CFAP251: variants seen among roughly 807,000 people sequenced by gnomAD.
CFAP251 encodes the protein cilia and flagella associated protein 251, also known as cilia- and flagella-associated protein 251.
CFAP251 carries 93 observed loss-of-function variants against 126.7 expected under a neutral mutation model. The observed-to-expected ratio is 0.73, with a 90% CI of 0.62 to 0.87. The LOEUF (loss-of-function observed/expected upper bound fraction) is 0.87, where lower values mean the gene tolerates loss of function less well. Ranked by LOEUF, CFAP251 falls within the 40% of genes least tolerant of loss-of-function variation. CFAP251 has a pLI of 0.00. For missense variants in CFAP251, 1,287 were observed against 1,389.2 expected (o/e 0.93, Z 1.17); for synonymous variants, 503 against 506.9 (o/e 0.99, Z 0.10).
intron 17 of CFAP251, among the ~76,000 whole-genome samples, chr12:121,970,840 C>G (rs1032449898): frequency 6.6e-6 from 1 of 152,236 alleles, no homozygotes. Context: ...CCTTACTCAG[C>G]AGGAAGATGG....
chr12:121,974,140 G>A lies in CFAP251; in HGVS notation c.2772-1104G>A, dbSNP rs2135798350. On this transcript the variant is annotated intron_variant, in intron 17 of 21. Coordinates refer to ENST00000288912, the MANE Select transcript of CFAP251 (RefSeq NM_144668.6). The surrounding 1 kb of genome is among the most constrained non-coding windows in gnomAD (Gnocchi z 4.6). ...ATGCTGTTCCCATGGTAGTGAATAA[G>A]TCTCATGAGATCTGATGGTTTGATA... 6.6e-6 allele frequency among the ~76,000 whole-genome samples: 1 copy of A among 152,258 alleles called. No individual in the cohort carries two copies. The highest frequency in any genetic ancestry group is 2.4e-5 in the African/African-American group (1 of 41,538).
intron 5 of CFAP251, among the ~76,000 whole-genome samples, chr12:121,939,401 T>C (rs1344552263): frequency 6.6e-6 from 1 of 151,964 alleles, no homozygotes; most frequent in East Asian, 1.9e-4. Flanking sequence ...AAGGGAAGGG[T>C]ATTATCTCAT....
At position 121,958,331 on chromosome 12, in the gene CFAP251, A is replaced by G. The variant is rs1881800994; in HGVS notation, c.1790A>G (p.Lys597Arg). The part of the protein sequence containing the change: ...AVYHLTTDGT[K>R]LEKLFVEPKD... ...TACCACTTAACAACAGATGGGACCAAACTTGAGAAGTTATTTGTAGAGCCC... is the reference window on the plus strand; with the variant it reads ...TACCACTTAACAACAGATGGGACCAGACTTGAGAAGTTATTTGTAGAGCCC... Residue 597 changes from lysine (K) to arginine (R), a missense_variant, in exon 12 of 22, where the codon AAA (lysine) becomes AGA (arginine). Physicochemically the swap from Lys to Arg is conservative, Grantham distance 26. Coordinates refer to ENST00000288912, the MANE Select transcript of CFAP251 (RefSeq NM_144668.6). The G allele has an allele frequency of 2.5e-6, 4 of 1,614,212 alleles. No individual in the cohort carries two copies. The highest frequency in any genetic ancestry group is 3.4e-6 in the Non-Finnish European group (4 of 1,180,038).
chr12:121,962,041 G>A lies in CFAP251; in HGVS notation c.2371G>A (p.Asp791Asn), dbSNP rs202115965. The change falls in exon 15 of 22, where the codon GAC (aspartate) becomes AAC (asparagine). Residue 791 changes from aspartate to asparagine, a missense_variant. Transcript: ENST00000288912. ...HLEVLDIHHTDQGCYPTCMVW... is the reference protein window; with the variant it reads ...HLEVLDIHHTNQGCYPTCMVW... ...GGAAGTCCTGGACATTCACCACACC[G>A]ACCAGGGCTGCTATCCCACCTGCAT... 139 of 1,613,912 alleles carry A rather than the reference G, an allele frequency of 8.6e-5. No homozygotes were observed. The African/African-American group carries it at 9.6e-4, about 11-fold the overall frequency.
At chr12:121,927,319 G>A (rs1880458848) in intron 3 of CFAP251, among the ~76,000 whole-genome samples, 1 of 150,988 alleles carries the variant, frequency 6.6e-6, no homozygotes, top group Admixed American at 6.6e-5. Context: ...CTTTTTTTGA[G>A]ATGGAGTCTC....
At chr12:121,982,107 C>T (rs1249043512) in intron 19 of CFAP251, among the ~76,000 whole-genome samples, 2 of 152,122 alleles carry the variant, frequency 1.3e-5, no homozygotes, top group Non-Finnish European at 2.9e-5. Flanking sequence ...AATACCCTTT[C>T]CAAAATCTAA....
chr12:121,998,942 T>A (rs1456647156), intron 19 of CFAP251: 1 of 127,816 alleles, frequency 7.8e-6, no homozygotes, highest in African/African-American at 3.1e-5. Context: ...AGAGTGGACA[T>A]CCTTGTCTTT....
At chr12:121,961,873 G>C (rs1252671618) in intron 14 of CFAP251, 105 bp from the exon 15 acceptor site, 1 of 1,213,298 alleles carries the variant, frequency 8.2e-7, no homozygotes, top group Non-Finnish European at 1.2e-6. Context: ...GAACAGCACT[G>C]TTGGCTGATA....
At chr12:121,996,435 A>G (rs1355617744) in intron 19 of CFAP251, among the ~76,000 whole-genome samples, 1 of 152,202 alleles carries the variant, frequency 6.6e-6, no homozygotes, top group Admixed American at 6.5e-5. Flanking sequence ...CGGTACAAAA[A>G]TACTGCACAG....
chr12:121,946,734 T>G (rs1462318720), intron 7 of CFAP251, among the ~76,000 whole-genome samples: 2 of 151,654 alleles, frequency 1.3e-5, no homozygotes, highest in Non-Finnish European at 2.9e-5. Context: ...GGTGGCACCA[T>G]CACACCTGGC....
intron 1 of CFAP251, among the ~76,000 whole-genome samples, chr12:121,919,952 C>T (rs1037501333): frequency 3.3e-5 from 5 of 152,034 alleles, no homozygotes; most frequent in East Asian, 1.9e-4. Context: ...GAAGCCAAGG[C>T]GGGCGGATCA....
At chr12:121,969,074 T>C (rs1056342173) in intron 17 of CFAP251, 13 of 985,332 alleles carry the variant, frequency 1.3e-5, no homozygotes, top group Non-Finnish European at 1.3e-5. Flanking sequence ...CTCTCGGTAG[T>C]GTGACGTTGA....
intron 3 of CFAP251, among the ~76,000 whole-genome samples, chr12:121,928,666 ATACG>A (rs1459499650): frequency 3.3e-4 from 13 of 39,894 alleles, no homozygotes; most frequent in Non-Finnish European, 5.9e-4. Flanking sequence ...ACGTATATAT[ATACG>A]TATATATATA....
At chr12:121,978,174 C>CCT (rs1882517217) in intron 19 of CFAP251, among the ~76,000 whole-genome samples, 1 of 150,432 alleles carries the variant, frequency 6.6e-6, no homozygotes. Context: ...GGGTGGATCA[C>CCT]GAGGTCAGGA....
chr12:121,919,004 C>T (rs1304227733), intron 1 of CFAP251, among the ~76,000 whole-genome samples: 1 of 152,272 alleles, frequency 6.6e-6, no homozygotes, highest in East Asian at 1.9e-4. Flanking sequence ...TGATTCAGAG[C>T]AGTGATTTTT....
chr12:121,950,101 T>C (rs1366624596), intron 8 of CFAP251: 1 of 152,110 alleles, frequency 6.6e-6, no homozygotes, highest in Non-Finnish European at 1.5e-5. Flanking sequence ...AACTGATGAG[T>C]AGGTAAACAA....
At chr12:121,964,719 G>C (rs941909539) in intron 15 of CFAP251, among the ~76,000 whole-genome samples, 2 of 151,806 alleles carry the variant, frequency 1.3e-5, no homozygotes, top group Non-Finnish European at 2.9e-5. Flanking sequence ...GGCCAACATG[G>C]TGAAACCCTG....
rs1881898653 is a variant in CFAP251 at position 121,960,597 on chromosome 12, A to G, written c.2146A>G (p.Thr716Ala). ...TGCTCATCTTCAGGATAGAAGTTTTACTGTGGCTGTTTACATGCTGGTGGT... is the reference window on the plus strand; with the variant it reads ...TGCTCATCTTCAGGATAGAAGTTTTGCTGTGGCTGTTTACATGCTGGTGGT... The part of the protein sequence containing the change: ...QYMATADRSF[T>A]VAVYMLVVRN... Residue 716 changes from threonine to alanine, a missense_variant, in exon 14 of 22, where the codon ACT (threonine) becomes GCT (alanine). By Grantham distance (58) the Thr-to-Ala change is moderately conservative. Transcript: ENST00000288912. The G allele has an allele frequency of 1.9e-6, 3 of 1,614,008 alleles. No homozygotes were observed. The highest frequency in any genetic ancestry group is 2.7e-5 in the African/African-American group (2 of 74,928).
At chr12:121,938,850 CA>C (rs1204226072) in intron 5 of CFAP251, among the ~76,000 whole-genome samples, 1 of 151,382 alleles carries the variant, frequency 6.6e-6, no homozygotes, top group Non-Finnish European at 1.5e-5. Flanking sequence ...ATTAGTCGGG[CA>C]TAATGGTGCA....
Sources: gnomAD v4.1 joint callset for allele counts (sites outside exome capture counted in the v4.1 genomes callset) on GRCh38, gnomAD v4.1.1 for gene constraint, Gnocchi (gnomAD v3.1) non-coding constraint, MANE v1.5 for transcripts, NCBI Gene and HGNC (gene_info 2026-07-23, HGNC 2026-07-21) for gene names.